The following WWC2 variants were observed in gnomAD, a reference collection of about 807,000 sequenced individuals.
The protein encoded by WWC2 is WW and C2 domain containing 2.
A neutral mutation model predicts 138.5 loss-of-function variants in WWC2; 101 were observed. The ratio of observed to expected loss-of-function variants is 0.73; its 90% CI spans 0.62 to 0.86. The LOEUF (loss-of-function observed/expected upper bound fraction) is 0.86, where lower values mean the gene tolerates loss of function less well. WWC2 is among the 40% of genes least tolerant of loss of function. The pLI, the probability that WWC2 is intolerant of heterozygous loss-of-function variation, is 0.00. For missense variants in WWC2, 1,420 were observed against 1,419.4 expected (o/e 1.00, Z -0.01); for synonymous variants, 558 against 538.4 (o/e 1.04, Z -0.50).
intron 1 of WWC2, among the ~76,000 whole-genome samples, chr4:183,127,815 T>C (rs1732805451): frequency 6.6e-6 from 1 of 152,118 alleles, no homozygotes; most frequent in Non-Finnish European, 1.5e-5. Context: ...TGAAAACATA[T>C]ATATGTAACA....
chr4:183,267,506 A>G (rs925075215), intron 14 of WWC2, among the ~76,000 whole-genome samples: 1 of 152,238 alleles, frequency 6.6e-6, no homozygotes, highest in Admixed American at 6.5e-5. Context: ...GACTGAAACA[A>G]TAAACAGTGA....
At chr4:183,277,033 G>C (rs1033202447) in intron 16 of WWC2, among the ~76,000 whole-genome samples, 1 of 146,902 alleles carries the variant, frequency 6.8e-6, no homozygotes, top group Non-Finnish European at 1.5e-5. Context: ...ACATTGTGCA[G>C]GTTAGTTACA....
At chr4:183,287,072 C>G (rs921734118) in intron 20 of WWC2, among the ~76,000 whole-genome samples, 8 of 152,112 alleles carry the variant, frequency 5.3e-5, no homozygotes, top group Non-Finnish European at 8.8e-5. Context: ...ACGGGAGGAT[C>G]AGGCATGATG....
At chr4:183,115,312 T>C (rs1485011959) in intron 1 of WWC2, among the ~76,000 whole-genome samples, 3 of 152,186 alleles carry the variant, frequency 2.0e-5, no homozygotes, top group Non-Finnish European at 4.4e-5. Context: ...TTTGCTATTG[T>C]GATTAGTGCT....
intron 2 of WWC2, among the ~76,000 whole-genome samples, chr4:183,197,269 G>A (rs1439737029): frequency 3.3e-5 from 5 of 152,096 alleles, no homozygotes; most frequent in South Asian, 2.1e-4. Context: ...CCAAATGACC[G>A]ACAGCAAACA....
intron 22 of WWC2, among the ~76,000 whole-genome samples, chr4:183,313,303 C>G (rs1428002962): frequency 6.6e-6 from 1 of 152,094 alleles, no homozygotes; most frequent in African/African-American, 2.4e-5. Flanking sequence ...CAGCAGGGCT[C>G]TCCGTGCACA....
Position 183,248,821 on chromosome 4 carries a change from G to A in WWC2, c.840G>A (p.Gln280=), listed in dbSNP as rs1252848952. ...PVNSHLCLSR[Q]TLDAGSQTSI... ...ACTCTCATTTATGTCTCTCCAGACA[G>A]ACCCTTGATGCTGGGTCACAAACAA... Residue 280 remains glutamine (Q), a synonymous_variant, in exon 7 of 23, where the codon CAG becomes CAA. Coordinates refer to ENST00000403733, the MANE Select transcript of WWC2 (RefSeq NM_024949.6). 1 of 1,602,438 alleles carries A rather than the reference G, an allele frequency of 6.2e-7. No individual in the cohort carries two copies. The highest frequency in any genetic ancestry group is 8.5e-7 in the Non-Finnish European group (1 of 1,173,654).
chr4:183,137,505 A>ATT (rs879514966), intron 1 of WWC2, among the ~76,000 whole-genome samples: 1 of 146,008 alleles, frequency 6.8e-6, no homozygotes. Context: ...CTTCTTTGGA[A>ATT]TTTTTTTTTT....
chr4:183,146,534 TA>T (rs1178247820), intron 1 of WWC2, among the ~76,000 whole-genome samples: 6 of 152,230 alleles, frequency 3.9e-5, no homozygotes, highest in Non-Finnish European at 7.3e-5. Flanking sequence ...CATGCCCAGG[TA>T]CCATAGGTTT....
chr4:183,313,166 G>C, intron 22 of WWC2, among the ~76,000 whole-genome samples: 1 of 152,190 alleles, frequency 6.6e-6, no homozygotes, highest in East Asian at 1.9e-4. Flanking sequence ...GACCTTAGAA[G>C]TCAGTGCCAA....
intron 6 of WWC2, among the ~76,000 whole-genome samples, chr4:183,248,467 G>A (rs1404947880): frequency 1.3e-5 from 2 of 152,152 alleles, no homozygotes; most frequent in African/African-American, 2.4e-5. Context: ...CCGTTCATAG[G>A]AAAATGCTGT....
chr4:183,139,003 T>C (rs1733208897), intron 1 of WWC2, among the ~76,000 whole-genome samples: 1 of 152,176 alleles, frequency 6.6e-6, no homozygotes, highest in African/African-American at 2.4e-5. Context: ...TAGTCAAACT[T>C]ACAGAAGATG....
In WWC2 at chr4:183,271,271, G is replaced by A. The variant is rs201133935; in HGVS notation, c.2562+30G>A. 2.7e-5 allele frequency: 42 copies of A among 1,570,678 alleles called. No homozygotes were observed. The African/African-American group carries it at 5.5e-4, about 20-fold the overall frequency. On this transcript the variant is annotated intron_variant, in intron 16 of 22. Transcript: ENST00000403733. ...GTCAAAATTAGAGTATAATATGAAA[G>A]TAATGTGAAATACATATATGAAATA... is the stretch of plus-strand genomic sequence containing the variant.
chr4:183,179,768 T>C (rs1319506295), intron 1 of WWC2, among the ~76,000 whole-genome samples: 2 of 152,144 alleles, frequency 1.3e-5, no homozygotes, highest in Admixed American at 6.6e-5. Flanking sequence ...ATCAGGGAGA[T>C]GCTCTCTGAT....
intron 1 of WWC2, among the ~76,000 whole-genome samples, chr4:183,170,389 G>C (rs1013732198): frequency 6.6e-6 from 1 of 152,156 alleles, no homozygotes; most frequent in Non-Finnish European, 1.5e-5. Flanking sequence ...AGTTTCAGGG[G>C]CTTCCTTGGA....
In WWC2 at chr4:183,319,528, T is replaced by C. The variant is rs751347206; in HGVS notation, c.*3799T>C. ...AATCCAGTGTTGAGCAAGCGTCTCC[T>C]GAACAGCAGACGCTTGTCCTTTCTG... On this transcript the variant is annotated 3_prime_UTR_variant, in exon 23 of 23. Transcript: ENST00000403733. 9.5e-6 allele frequency: 15 copies of C among 1,575,924 alleles called. No homozygotes were observed. The highest frequency in any genetic ancestry group is 1.3e-5 in the Non-Finnish European group (15 of 1,162,412).
chr4:183,158,447 C>T (rs1733867056), intron 1 of WWC2, among the ~76,000 whole-genome samples: 1 of 151,602 alleles, frequency 6.6e-6, no homozygotes, highest in Non-Finnish European at 1.5e-5. Flanking sequence ...ATGCCGTCTT[C>T]TCCTTGTGTC....
At chr4:183,181,839 T>C (rs1734642112) in intron 1 of WWC2, among the ~76,000 whole-genome samples, 2 of 152,216 alleles carry the variant, frequency 1.3e-5, no homozygotes, top group Non-Finnish European at 2.9e-5. Context: ...TTGGAGTAGA[T>C]GTCACTCTAC....
chr4:183,188,926 A>T (rs890833221), intron 1 of WWC2, among the ~76,000 whole-genome samples: 3 of 151,950 alleles, frequency 2.0e-5, no homozygotes, highest in African/African-American at 7.2e-5. Flanking sequence ...GATTACAGGC[A>T]TGAACCACCG....
Sources: allele counts gnomAD v4.1 joint callset (sites outside exome capture counted in the v4.1 genomes callset), GRCh38; gene constraint gnomAD v4.1.1; transcripts MANE v1.5; gene names NCBI Gene and HGNC (gene_info 2026-07-23, HGNC 2026-07-21).